Variants in TEAD1 observed in about 807,000 individuals in gnomAD.
The protein encoded by TEAD1 is TEA domain transcription factor 1.
Under a neutral mutation model 54.9 loss-of-function variants are expected in TEAD1, and 9 were observed. The observed-to-expected ratio is 0.16, with a 90% CI of 0.10 to 0.29. The LOEUF is 0.29. TEAD1 is among the 10% of genes least tolerant of loss of function. TEAD1 has a pLI of 1.00. For missense variants in TEAD1, 387 were observed against 535.9 expected (o/e 0.72, Z 2.74); for synonymous variants, 200 against 187.8 (o/e 1.07, Z -0.53).
At chr11:12,898,398 C>CTTTT (rs71313453) in intron 9 of TEAD1, among the ~76,000 whole-genome samples, 1 of 144,496 alleles carries the variant, frequency 6.9e-6, no homozygotes, top group Admixed American at 6.9e-5. Flanking sequence ...AACATGAACA[C>CTTTT]TTTTTTTTTT....
intron 11 of TEAD1, among the ~76,000 whole-genome samples, chr11:12,928,135 A>T (rs576509452): frequency 6.6e-6 from 1 of 152,230 alleles, no homozygotes; most frequent in Non-Finnish European, 1.5e-5. Flanking sequence ...TAACAAGTTA[A>T]TACATTTCCT....
chr11:12,793,447 G>C (rs1564941757), intron 3 of TEAD1, among the ~76,000 whole-genome samples: 3 of 152,168 alleles, frequency 2.0e-5, no homozygotes, highest in East Asian at 3.9e-4. Context: ...ATATCTTATA[G>C]TTTTTTTGAT....
intron 3 of TEAD1, among the ~76,000 whole-genome samples, chr11:12,796,691 A>G (rs1308537986): frequency 6.6e-6 from 1 of 151,898 alleles, no homozygotes; most frequent in East Asian, 1.9e-4. Flanking sequence ...GCACCACTGC[A>G]CTGCAGCCTG....
intron 2 of TEAD1, among the ~76,000 whole-genome samples, chr11:12,742,597 A>G (rs2133894381): frequency 6.6e-6 from 1 of 152,330 alleles, no homozygotes; most frequent in South Asian, 2.1e-4. Flanking sequence ...TCACAAAGAA[A>G]TGATACCTAT....
At chr11:12,811,767 T>C (rs1170880070) in intron 3 of TEAD1, among the ~76,000 whole-genome samples, 1 of 137,862 alleles carries the variant, frequency 7.3e-6, no homozygotes, top group Non-Finnish European at 1.5e-5. Flanking sequence ...TTGCCCACAG[T>C]GGAGTGGCCC....
chr11:12,679,855 T>C (rs920029628), intron 2 of TEAD1, among the ~76,000 whole-genome samples: 18 of 152,246 alleles, frequency 1.2e-4, no homozygotes, highest in African/African-American at 4.3e-4. Context: ...AGTGCCTTTC[T>C]GTAATAATTC....
intron 10 of TEAD1, among the ~76,000 whole-genome samples, chr11:12,917,589 C>T (rs1019047708): frequency 3.3e-5 from 5 of 152,122 alleles, no homozygotes; most frequent in Admixed American, 6.5e-5. Context: ...AACTCCTGGG[C>T]GTAAGTGGCC....
chr11:12,772,908 G>C (rs1411598997), intron 3 of TEAD1, among the ~76,000 whole-genome samples: 2 of 152,158 alleles, frequency 1.3e-5, no homozygotes, highest in African/African-American at 4.8e-5. Flanking sequence ...TCAGAATACA[G>C]AACAGCTCCA....
intron 2 of TEAD1, among the ~76,000 whole-genome samples, chr11:12,682,327 A>G (rs569955774): frequency 6.6e-6 from 1 of 152,324 alleles, no homozygotes; most frequent in East Asian, 1.9e-4. Flanking sequence ...AATGAACCAG[A>G]ACCACCTTCT....
chr11:12,839,102 A>G (rs930277771), intron 3 of TEAD1, among the ~76,000 whole-genome samples: 2 of 151,082 alleles, frequency 1.3e-5, no homozygotes, highest in Non-Finnish European at 2.9e-5. Context: ...TTTCATTCCA[A>G]TTTACTTATT....
At chr11:12,890,206 T>C (rs1037219000) in intron 9 of TEAD1, among the ~76,000 whole-genome samples, 6 of 152,170 alleles carry the variant, frequency 3.9e-5, no homozygotes, top group Non-Finnish European at 2.9e-5. Context: ...CCACTCTGTA[T>C]TCTTAACCAT....
intron 2 of TEAD1, among the ~76,000 whole-genome samples, chr11:12,691,595 T>C (rs2133824657): frequency 6.6e-6 from 1 of 152,346 alleles, no homozygotes; most frequent in Non-Finnish European, 1.5e-5. Context: ...CTTGTCATCT[T>C]GTCCTTTCCT....
At chr11:12,909,825 C>T (rs1015899594) in intron 10 of TEAD1, among the ~76,000 whole-genome samples, 2 of 152,154 alleles carry the variant, frequency 1.3e-5, no homozygotes, top group Non-Finnish European at 2.9e-5. Flanking sequence ...ATTTAAATCC[C>T]TAATTAAACC....
At chr11:12,781,079 T>C (rs143579320) in intron 3 of TEAD1, among the ~76,000 whole-genome samples, 384 of 152,348 alleles carry the variant, frequency 2.5e-3, no homozygotes, top group African/African-American at 8.8e-3. Context: ...TCAACAGATA[T>C]ACCAAGACAA....
chr11:12,881,779 C>T lies in TEAD1; in HGVS notation c.513-117C>T. On this transcript the variant is annotated intron_variant, in intron 7 of 12. Coordinates refer to ENST00000527636, the MANE Select transcript of TEAD1 (RefSeq NM_021961.6). ...TCTGCCTGGGGTGTGCTACCACCTG[C>T]AGGCAGGGACCACAGCGGTGAAGGA... 4.9e-6 allele frequency: 5 copies of T among 1,029,770 alleles called. No individual in the cohort carries two copies. The Admixed American group carries it at 8.8e-5, about 18-fold the overall frequency. The allele number at this position is 1,029,770 out of a possible 1,614,324, so 63.8% of individuals were successfully genotyped here.
chr11:12,873,110 C>T (rs1310761706), intron 5 of TEAD1, among the ~76,000 whole-genome samples: 5 of 152,176 alleles, frequency 3.3e-5, no homozygotes, highest in Admixed American at 6.5e-5. Flanking sequence ...ATTTTCCTGA[C>T]TTGGAATGCT....
At chr11:12,758,122 G>A (rs116624444) in intron 2 of TEAD1, among the ~76,000 whole-genome samples, 1,581 of 152,156 alleles carry the variant, frequency 0.01, 30 homozygotes, top group African/African-American at 0.037. Context: ...GTCAGGTATG[G>A]TACTGGCGCT....
chr11:12,896,457 G>C (rs546209680), intron 9 of TEAD1, among the ~76,000 whole-genome samples: 6 of 152,296 alleles, frequency 3.9e-5, no homozygotes, highest in South Asian at 4.1e-4. Context: ...TCAGTTTTCT[G>C]ATACCTTAAA....
chr11:12,721,572 CTCAT>C (rs1944200461), intron 2 of TEAD1, among the ~76,000 whole-genome samples: 1 of 152,186 alleles, frequency 6.6e-6, no homozygotes, highest in Non-Finnish European at 1.5e-5. Flanking sequence ...TGTCAGCTCA[CTCAT>C]TCATTCATTC....
Sources: allele counts gnomAD v4.1 joint callset (sites outside exome capture counted in the v4.1 genomes callset), GRCh38; gene constraint gnomAD v4.1.1; transcripts MANE v1.5; gene names NCBI Gene and HGNC (gene_info 2026-07-23, HGNC 2026-07-21).